CTNNA3: variants seen among roughly 807,000 people sequenced by gnomAD.
CTNNA3 encodes catenin alpha-3.
In CTNNA3, 76 loss-of-function variants were observed where a neutral mutation model predicts 95.7. That is an observed-to-expected ratio of 0.79 (90% confidence interval 0.66 to 0.96). CTNNA3 has a LOEUF of 0.96. CTNNA3 is among the 40% of genes least tolerant of loss of function. CTNNA3 has a pLI of 0.00. For missense variants in CTNNA3, 1,191 were observed against 1,089.8 expected (o/e 1.09, Z -1.31); for synonymous variants, 431 against 374.4 (o/e 1.15, Z -1.74).
At chr10:66,496,621 A>G (rs1840107918) in intron 11 of CTNNA3, among the ~76,000 whole-genome samples, 1 of 152,198 alleles carries the variant, frequency 6.6e-6, no homozygotes, top group Non-Finnish European at 1.5e-5. Flanking sequence ...CTATTTATTT[A>G]TTCAGTGTAA....
chr10:66,296,599 A>G (rs12761971), intron 12 of CTNNA3, among the ~76,000 whole-genome samples: 1 of 126,942 alleles, frequency 7.9e-6, no homozygotes, highest in African/African-American at 3.3e-5. Flanking sequence ...CTATATATCT[A>G]TATATCTATA....
At chr10:66,688,302 C>T (rs1478846413) in intron 9 of CTNNA3, among the ~76,000 whole-genome samples, 1 of 152,088 alleles carries the variant, frequency 6.6e-6, no homozygotes, top group African/African-American at 2.4e-5. Flanking sequence ...CAAATGTTTC[C>T]CCTGCCTATG....
At chr10:66,966,949 T>A (rs555046609) in intron 7 of CTNNA3, among the ~76,000 whole-genome samples, 24 of 152,150 alleles carry the variant, frequency 1.6e-4, no homozygotes, top group Non-Finnish European at 3.4e-4. Context: ...AGAAGAGAAA[T>A]TTTTTGTATT....
At chr10:66,536,895 G>A (rs560253372) in intron 10 of CTNNA3, among the ~76,000 whole-genome samples, 19 of 151,866 alleles carry the variant, frequency 1.3e-4, no homozygotes, top group African/African-American at 4.1e-4. Context: ...TATACAACTG[G>A]GTATATAGGA....
In CTNNA3 at chr10:67,081,160, A is replaced by G. The variant is rs577460469; in HGVS notation, c.1047+99157T>C. 9.8e-5 allele frequency among the ~76,000 whole-genome samples: 15 copies of G among 152,300 alleles called. No individual in the cohort carries two copies. In the South Asian group the frequency reaches 2.9e-3, roughly 29 times the overall value. On this transcript the variant is annotated intron_variant, in intron 7 of 17. Transcript: ENST00000433211. ...AGCTTATACATTTTTGAGCACATCA[A>G]TTTGATTGCATCTCAAATACAGATT...
chr10:66,591,261 C>G (rs1490421980), intron 10 of CTNNA3, among the ~76,000 whole-genome samples: 1 of 152,094 alleles, frequency 6.6e-6, no homozygotes, highest in Non-Finnish European at 1.5e-5. Context: ...CAGAATAGTA[C>G]TGAGTGGTAT....
intron 1 of CTNNA3, among the ~76,000 whole-genome samples, chr10:67,651,328 A>G (rs1418121132): frequency 1.3e-5 from 2 of 152,184 alleles, no homozygotes; most frequent in African/African-American, 4.8e-5. Flanking sequence ...TCACATCTTT[A>G]AACAAATGAT....
At chr10:67,468,224 C>G (rs1021342934) in intron 5 of CTNNA3, among the ~76,000 whole-genome samples, 2 of 151,806 alleles carry the variant, frequency 1.3e-5, no homozygotes, top group Non-Finnish European at 2.9e-5. Flanking sequence ...TTGTTTCCCT[C>G]TAGGTTAATA....
At chr10:66,405,570 T>C (rs543166738) in intron 11 of CTNNA3, among the ~76,000 whole-genome samples, 1 of 152,096 alleles carries the variant, frequency 6.6e-6, no homozygotes, top group Non-Finnish European at 1.5e-5. Context: ...TATATATGAG[T>C]AATATAAGAA....
intron 5 of CTNNA3, among the ~76,000 whole-genome samples, chr10:67,340,332 G>GA (rs149395867): frequency 0.037 from 5,664 of 152,124 alleles, 154 homozygotes; most frequent in South Asian, 0.1. Flanking sequence ...AATTTATGAA[G>GA]AAAAAATGAA....
chr10:67,415,665 C>T lies in CTNNA3; in HGVS notation c.579+106177G>A, dbSNP rs193224553. 2.3e-3 allele frequency among the ~76,000 whole-genome samples: 345 copies of T among 152,062 alleles called. 2 individuals carry two copies. Among genetic ancestry groups the T allele is most frequent in the African/African-American group, 7.8e-3 (324 of 41,470 alleles). On this transcript the variant is annotated intron_variant, in intron 5 of 17. Transcript: ENST00000433211. ...ACACTATTTTAAAATTCATATAGAA[C>T]GACAAAAGAGTGTGAATAGCCAAAA...
intron 5 of CTNNA3, among the ~76,000 whole-genome samples, chr10:67,305,516 T>C (rs948288880): frequency 6.6e-6 from 1 of 151,906 alleles, no homozygotes; most frequent in Non-Finnish European, 1.5e-5. Context: ...CTAAAATCTA[T>C]AGAGAATCAT....
chr10:66,873,241 G>T (rs1400753316), intron 7 of CTNNA3, among the ~76,000 whole-genome samples: 1 of 152,096 alleles, frequency 6.6e-6, no homozygotes, highest in African/African-American at 2.4e-5. Context: ...TGGTAGTTCT[G>T]CTTTAAGTTC....
intron 5 of CTNNA3, among the ~76,000 whole-genome samples, chr10:67,508,094 A>G (rs1206647852): frequency 5.9e-5 from 9 of 151,828 alleles, no homozygotes; most frequent in Non-Finnish European, 1.2e-4. Flanking sequence ...GCTCATTACA[A>G]CCTCCACCTC....
intron 10 of CTNNA3, among the ~76,000 whole-genome samples, chr10:66,566,033 A>G (rs1234643930): frequency 6.6e-6 from 1 of 152,202 alleles, no homozygotes; most frequent in African/African-American, 2.4e-5. Context: ...ATTCATAGAC[A>G]TTGTTCTGTG....
At chr10:67,474,410 T>A (rs928821150) in intron 5 of CTNNA3, among the ~76,000 whole-genome samples, 1 of 152,170 alleles carries the variant, frequency 6.6e-6, no homozygotes, top group Admixed American at 6.5e-5. Context: ...GGAAAAACCA[T>A]GTGAGGATAC....
At chr10:66,336,591 A>G (rs1297973043) in intron 12 of CTNNA3, among the ~76,000 whole-genome samples, 1 of 152,146 alleles carries the variant, frequency 6.6e-6, no homozygotes, top group Non-Finnish European at 1.5e-5. Flanking sequence ...GTCTTTCTTC[A>G]CACAATATTT....
intron 8 of CTNNA3, among the ~76,000 whole-genome samples, chr10:66,772,962 G>T (rs1054110815): frequency 1.3e-5 from 2 of 152,190 alleles, no homozygotes; most frequent in Admixed American, 1.3e-4. Context: ...TAAGGGCAGT[G>T]CTTTCTCTTT....
At chr10:67,470,382 C>A (rs1348314124) in intron 5 of CTNNA3, among the ~76,000 whole-genome samples, 1 of 152,172 alleles carries the variant, frequency 6.6e-6, no homozygotes, top group Admixed American at 6.5e-5. Context: ...CAAATCTTAG[C>A]TATTGTAAAC....
Sources: gnomAD v4.1 joint callset for allele counts (sites outside exome capture counted in the v4.1 genomes callset) on GRCh38, gnomAD v4.1.1 for gene constraint, MANE v1.5 for transcripts, NCBI Gene and HGNC (gene_info 2026-07-23, HGNC 2026-07-21) for gene names.